Variants in HMCN1 observed in about 807,000 individuals in gnomAD.
The protein encoded by HMCN1 is hemicentin-1.
In HMCN1, 321 loss-of-function variants were observed where a neutral mutation model predicts 625.9. That is an observed-to-expected ratio of 0.51 (90% CI 0.47 to 0.56). The LOEUF is 0.56. Among genes scored for constraint, HMCN1 ranks in the 20% least tolerant of loss-of-function variants. The pLI is 0.00. For missense variants in HMCN1, 6,588 were observed against 6,887.3 expected (o/e 0.96, Z 1.54); for synonymous variants, 2,425 against 2,417.6 (o/e 1.00, Z -0.09).
chr1:185,746,046 G>A (rs1379571685), intron 1 of HMCN1, among the ~76,000 whole-genome samples: 2 of 152,228 alleles, frequency 1.3e-5, no homozygotes, highest in Non-Finnish European at 1.5e-5. Flanking sequence ...GTTTTAAGCA[G>A]GAGAAGTTGT....
chr1:186,137,939 G>A lies in HMCN1; in HGVS notation c.13891G>A (p.Glu4631Lys). Residue 4631 changes from glutamate (E) to lysine (K), a missense_variant, in exon 89 of 107, where the codon GAA (glutamate) becomes AAA (lysine). By Grantham distance (56) the Glu-to-Lys change is moderately conservative. This residue lies in a region of HMCN1 where 1,954 missense variants were observed against 2,013.1 expected (regional missense o/e 0.97). Coordinates refer to ENST00000271588, the MANE Select transcript of HMCN1 (RefSeq NM_031935.3). ...GGRPCEGNAV[E>K]IIMCNIRPCP... ...GCGGCCATGTGAAGGGAATGCTGTG[G>A]AAATAATTATGTGCAACATTAGGCC... The A allele has an allele frequency of 1.2e-6, 2 of 1,613,982 alleles. No homozygotes were observed. Among genetic ancestry groups the A allele is most frequent in the East Asian group, 2.2e-5 (1 of 44,868 alleles).
intron 64 of HMCN1, among the ~76,000 whole-genome samples, chr1:186,092,143 T>C (rs1367103750): frequency 6.6e-6 from 1 of 151,880 alleles, no homozygotes; most frequent in Non-Finnish European, 1.5e-5. Flanking sequence ...TTCCTTCTCC[T>C]ACATTAACAT....
At chr1:185,922,323 A>G (rs1667042027) in intron 6 of HMCN1, 56 bp from the exon 7 acceptor site, 1 of 1,606,816 alleles carries the variant, frequency 6.2e-7, no homozygotes, top group Admixed American at 1.7e-5. Context: ...CGAGGGTTGC[A>G]TATGACCAGC....
At chr1:185,964,541 T>C (rs1485440416) in intron 13 of HMCN1, among the ~76,000 whole-genome samples, 1 of 151,916 alleles carries the variant, frequency 6.6e-6, no homozygotes, top group East Asian at 1.9e-4. Context: ...AAAGAGATAA[T>C]AAAGATAGAG....
Position 186,151,666 on chromosome 1 carries a change from A to T in HMCN1, c.14819A>T (p.Glu4940Val). The T allele has an allele frequency of 2.5e-6, 4 of 1,613,374 alleles. No homozygotes were observed. The highest frequency in any genetic ancestry group is 3.4e-6 in the Non-Finnish European group (4 of 1,179,386). ...CCCATTTATTGGACAACAGCAAAGG[A>T]AATAGGAGAAGCAGTCAATGGCTTT... Reference protein sequence around the residue: ...LNPIYWTTAKEIGEAVNGFTL... With the variant: ...LNPIYWTTAKVIGEAVNGFTL... Residue 4940 changes from glutamate to valine, a missense_variant, in exon 95 of 107, where the codon GAA becomes GTA. Around this residue, in one of 3 missense-constraint regions of HMCN1, gnomAD observed 1,954 missense variants for 2,013.1 expected, o/e 0.97. Transcript: ENST00000271588.
intron 1 of HMCN1, among the ~76,000 whole-genome samples, chr1:185,832,843 C>T (rs1403009983): frequency 3.3e-5 from 5 of 152,158 alleles, no homozygotes; most frequent in African/African-American, 1.2e-4. Context: ...AAAGTTTTTG[C>T]AACTTACATT....
At position 186,039,092 on chromosome 1, in the gene HMCN1, T is replaced by A; in HGVS notation, c.6028+87T>A. ...TTCTATAAAATTCTTGTGTAAGTAT[T>A]TAACAGAATGTGTTATTGTCATCTT... On this transcript the variant is annotated intron_variant, in intron 38 of 106. Coordinates refer to ENST00000271588, the MANE Select transcript of HMCN1 (RefSeq NM_031935.3). 5.5e-6 allele frequency: 5 copies of A among 911,498 alleles called. No individual in the cohort carries two copies. The South Asian group carries it at 6.6e-5, about 12-fold the overall frequency. The allele number at this position is 911,498 out of a possible 1,614,324, so 56.5% of individuals were successfully genotyped here.
chr1:186,043,339 G>GA (rs923413938), intron 40 of HMCN1, among the ~76,000 whole-genome samples: 63 of 150,310 alleles, frequency 4.2e-4, no homozygotes, highest in Middle Eastern at 7.0e-3. Flanking sequence ...AGACAGGACA[G>GA]AAAAAAAAAT....
chr1:186,116,624 G>A (rs894000195), intron 75 of HMCN1, among the ~76,000 whole-genome samples: 16 of 152,058 alleles, frequency 1.1e-4, no homozygotes, highest in African/African-American at 3.6e-4. Flanking sequence ...ATTTAAGATG[G>A]TGCCTGGAGT....
intron 100 of HMCN1, among the ~76,000 whole-genome samples, chr1:186,169,897 A>G (rs866633408): frequency 6.6e-6 from 1 of 152,182 alleles, no homozygotes; most frequent in Non-Finnish European, 1.5e-5. Flanking sequence ...GGCAACCTAC[A>G]AAATGGGAGA....
chr1:185,916,794 T>C (rs1666725969), intron 6 of HMCN1, among the ~76,000 whole-genome samples: 2 of 152,204 alleles, frequency 1.3e-5, no homozygotes, highest in African/African-American at 2.4e-5. Context: ...TAATGTTCTG[T>C]GTTCCATGGG....
At chr1:185,932,111 C>T in intron 10 of HMCN1, among the ~76,000 whole-genome samples, 1 of 152,068 alleles carries the variant, frequency 6.6e-6, no homozygotes, top group East Asian at 1.9e-4. Context: ...TACCTGGGAA[C>T]CCTAGCCAGA....
intron 1 of HMCN1, among the ~76,000 whole-genome samples, chr1:185,743,581 A>G (rs1372366097): frequency 6.6e-6 from 1 of 152,226 alleles, no homozygotes; most frequent in Non-Finnish European, 1.5e-5. Flanking sequence ...ACTGATTTCC[A>G]AGGAGCACTG....
chr1:185,943,459 G>T (rs901460410), intron 11 of HMCN1, among the ~76,000 whole-genome samples: 1 of 152,154 alleles, frequency 6.6e-6, no homozygotes, highest in Admixed American at 6.5e-5. Context: ...CATACATCTG[G>T]TGTCAGAAAT....
chr1:185,907,207 C>T (rs74134382), intron 4 of HMCN1, among the ~76,000 whole-genome samples: 5,748 of 151,950 alleles, frequency 0.038, 392 homozygotes, highest in African/African-American at 0.13. Context: ...TGTTTTATTT[C>T]ATATGTAAAA....
Position 186,166,924 on chromosome 1 carries a change from G to A in HMCN1, c.15556G>A (p.Asp5186Asn). 10 of 1,614,128 alleles carry A rather than the reference G, an allele frequency of 6.2e-6. No individual in the cohort carries two copies. Among genetic ancestry groups the A allele is most frequent in the Non-Finnish European group, 8.5e-6 (10 of 1,179,978 alleles). Residue 5186 changes from aspartate to asparagine, a missense_variant, in exon 100 of 107, where the codon GAT (aspartate) becomes AAT (asparagine). Around this residue, in one of 3 missense-constraint regions of HMCN1, gnomAD observed 1,954 missense variants for 2,013.1 expected, o/e 0.97. Coordinates refer to ENST00000271588, the MANE Select transcript of HMCN1 (RefSeq NM_031935.3). Reference protein sequence around the residue: ...RCGSGFRRTSDGLSCQDINEC... With the variant: ...RCGSGFRRTSNGLSCQDINEC... The stretch of plus-strand genomic sequence containing the variant: ...TGGAAGTGGCTTTCGAAGAACCTCT[G>A]ATGGGCTGAGTTGTCAAGGTATAAA...
chr1:185,855,101 T>C (rs1571451621), intron 2 of HMCN1, among the ~76,000 whole-genome samples: 1 of 152,066 alleles, frequency 6.6e-6, no homozygotes, highest in South Asian at 2.1e-4. Context: ...CAAGTATAGG[T>C]ATGGTGAATG....
rs557210222 is a variant in HMCN1, at chr1:186,114,052, C to T, written c.11205C>T (p.Ile3735=). ...LLNKSTVLEC[I]AEGVPTPRIT... is the part of the protein sequence containing the mutation. ...ATAAGTCAACTGTATTGGAATGCAT[C>T]GCTGAAGGTGTGCCAACTCCAAGGA... The change falls in exon 73 of 107, where the codon ATC becomes ATT. Residue 3735 remains isoleucine (I), a synonymous_variant. Coordinates refer to ENST00000271588, the MANE Select transcript of HMCN1 (RefSeq NM_031935.3). 31 of 1,614,064 alleles carry T rather than the reference C, an allele frequency of 1.9e-5. No homozygotes were observed. The highest frequency in any genetic ancestry group is 5.3e-5 in the African/African-American group (4 of 75,036).
chr1:186,083,902 C>T (rs1282853558), intron 57 of HMCN1, among the ~76,000 whole-genome samples: 2 of 152,082 alleles, frequency 1.3e-5, no homozygotes, highest in Admixed American at 1.3e-4. Flanking sequence ...ATGGATAAAT[C>T]TAACCAGAGC....
Sources: gnomAD v4.1 joint callset for allele counts (sites outside exome capture counted in the v4.1 genomes callset) on GRCh38, gnomAD v4.1.1 for gene constraint, gnomAD v4.1.1 regional missense constraint, MANE v1.5 for transcripts, NCBI Gene and HGNC (gene_info 2026-07-23, HGNC 2026-07-21) for gene names.